PTPRD: variants seen among roughly 807,000 people sequenced by gnomAD.
PTPRD encodes the protein protein tyrosine phosphatase receptor type D, also known as receptor-type tyrosine-protein phosphatase delta.
In PTPRD, 34 loss-of-function variants were observed where a neutral mutation model predicts 214.5. The observed-to-expected ratio is 0.16, with a 90% CI of 0.12 to 0.21. The LOEUF is 0.21. Among genes scored for constraint, PTPRD ranks in the 10% least tolerant of loss-of-function variants. The pLI is 1.00. For synonymous variants in PTPRD, 1,128 were observed against 845.7 expected (o/e 1.33, Z -5.79); for missense variants, 2,545 against 2,398.7 (o/e 1.06, Z -1.27).
At chr9:8,432,372 A>T (rs551720235) in intron 35 of PTPRD, among the ~76,000 whole-genome samples, 28 of 152,344 alleles carry the variant, frequency 1.8e-4, no homozygotes, top group African/African-American at 6.3e-4. Flanking sequence ...GTTGGAGTTC[A>T]ACGGCCTTTA....
chr9:9,840,338 T>A (rs1023603621), intron 5 of PTPRD, among the ~76,000 whole-genome samples: 1 of 152,140 alleles, frequency 6.6e-6, no homozygotes, highest in Non-Finnish European at 1.5e-5. Context: ...CTTTTAAATT[T>A]AGTTAAGGAA....
chr9:9,143,107 A>G (rs2154481834), intron 10 of PTPRD, among the ~76,000 whole-genome samples: 1 of 150,956 alleles, frequency 6.6e-6, no homozygotes, highest in African/African-American at 2.4e-5. Flanking sequence ...TGGTCTTTCT[A>G]CTCCTCTCCC....
intron 10 of PTPRD, among the ~76,000 whole-genome samples, chr9:9,042,605 CTTTTTTTTCTTTTCTT>C (rs1242487231): frequency 1.2e-5 from 1 of 81,258 alleles, no homozygotes; most frequent in East Asian, 2.7e-4. Flanking sequence ...AGCATTTTTT[CTTTTTTTTCTTTTCTT>C]TTTTTTTTTT....
chr9:9,390,443 G>C (rs2065408005), intron 9 of PTPRD, among the ~76,000 whole-genome samples: 1 of 152,112 alleles, frequency 6.6e-6, no homozygotes, highest in African/African-American at 2.4e-5. Context: ...TCAGTCAATG[G>C]TAGATTCTGT....
At chr9:9,189,853 C>T (rs150039047) in intron 9 of PTPRD, among the ~76,000 whole-genome samples, 1 of 151,976 alleles carries the variant, frequency 6.6e-6, no homozygotes, top group South Asian at 2.1e-4. Context: ...TTCCATTTCT[C>T]ATCTTTCCAG....
intron 3 of PTPRD, among the ~76,000 whole-genome samples, chr9:10,247,711 T>C (rs577724183): frequency 4.9e-4 from 75 of 152,236 alleles, no homozygotes; most frequent in African/African-American, 1.6e-3. Context: ...TTGCTTTTCA[T>C]TTTGGCTGAC....
intron 2 of PTPRD, among the ~76,000 whole-genome samples, chr9:10,377,036 C>T (rs944912307): frequency 3.3e-5 from 5 of 151,892 alleles, no homozygotes; most frequent in African/African-American, 1.2e-4. Context: ...TAACCATCCC[C>T]CCCTTCCACC....
chr9:9,831,538 C>T (rs1343610516), intron 5 of PTPRD, among the ~76,000 whole-genome samples: 6 of 151,838 alleles, frequency 4.0e-5, no homozygotes, highest in African/African-American at 1.2e-4. Context: ...GGTTGCTCAT[C>T]GTAAGATTGA....
chr9:9,844,442 T>C (rs996491059), intron 5 of PTPRD, among the ~76,000 whole-genome samples: 6 of 151,804 alleles, frequency 4.0e-5, no homozygotes, highest in Non-Finnish European at 8.8e-5. Context: ...CGGGCTGAGG[T>C]GTGGGGTAAA....
rs888578353 is a variant in PTPRD, at chr9:9,272,858, A to G, written c.-202-89495T>C. ...ATTCTGTGGTGATGCAGTGAGCTCAAAGAAGTGCCCTGAAATATTTAATAT... is the reference window on the plus strand; with the variant it reads ...ATTCTGTGGTGATGCAGTGAGCTCAGAGAAGTGCCCTGAAATATTTAATAT... On this transcript the variant is annotated intron_variant, in intron 9 of 45. Transcript: ENST00000381196. Among the ~76,000 whole-genome samples, 15 of 151,400 alleles carry G rather than the reference A, an allele frequency of 9.9e-5. No individual in the cohort carries two copies. The Middle Eastern group carries it at 0.014, about 137-fold the overall frequency.
chr9:9,646,734 C>T (rs751080837), intron 7 of PTPRD, among the ~76,000 whole-genome samples: 5 of 152,052 alleles, frequency 3.3e-5, no homozygotes, highest in East Asian at 1.9e-4. Context: ...CTGAACCCTA[C>T]GTACACTGTG....
intron 3 of PTPRD, among the ~76,000 whole-genome samples, chr9:10,126,001 C>T (rs1188946593): frequency 6.6e-6 from 1 of 151,924 alleles, no homozygotes; most frequent in Admixed American, 6.6e-5. Flanking sequence ...TAATTTTAAA[C>T]CTATAAAACA....
At chr9:10,351,277 G>C (rs970964622) in intron 2 of PTPRD, among the ~76,000 whole-genome samples, 1 of 152,004 alleles carries the variant, frequency 6.6e-6, no homozygotes, top group Non-Finnish European at 1.5e-5. Context: ...TGGATAATGA[G>C]TTGACTAAGT....
intron 5 of PTPRD, among the ~76,000 whole-genome samples, chr9:9,886,381 A>G (rs1408103849): frequency 6.6e-6 from 1 of 152,134 alleles, no homozygotes; most frequent in Admixed American, 6.6e-5. Context: ...CTTTCTTCAC[A>G]TGTGGACATA....
intron 19 of PTPRD, among the ~76,000 whole-genome samples, chr9:8,522,861 A>G (rs2097918433): frequency 6.6e-6 from 1 of 152,210 alleles, no homozygotes; most frequent in Non-Finnish European, 1.5e-5. Context: ...AATTATAAAT[A>G]AACTGATAAG....
At chr9:9,525,855 CAACTT>C (rs1164742228) in intron 8 of PTPRD, among the ~76,000 whole-genome samples, 5 of 151,262 alleles carry the variant, frequency 3.3e-5, no homozygotes, top group African/African-American at 1.2e-4. Context: ...GTGTCAAACA[CAACTT>C]GACTGCTTTA....
At chr9:8,636,632 A>G (rs2154327596) in intron 13 of PTPRD, 67 bp downstream of exon 13, 2 of 1,562,554 alleles carry the variant, frequency 1.3e-6, no homozygotes, top group East Asian at 2.3e-5. Context: ...GCAAGCAAGT[A>G]ACGTAGAAAC....
rs72696875 is a variant in PTPRD at position 9,266,312 on chromosome 9, G to C, written c.-202-82949C>G. The stretch of plus-strand genomic sequence containing the variant: ...ATGACAGCAATAGAATAATAGTAGG[G>C]GACTTTGACACCCCATTTTGAGCAA... On this transcript the variant is annotated intron_variant, in intron 9 of 45. Coordinates refer to ENST00000381196, the MANE Select transcript of PTPRD (RefSeq NM_002839.4). Among the ~76,000 whole-genome samples, 252 of 150,814 alleles carry C rather than the reference G, an allele frequency of 1.7e-3. 2 individuals carry two copies. Among genetic ancestry groups the C allele is most frequent in the Non-Finnish European group, 2.2e-3 (148 of 67,374 alleles).
chr9:10,514,949 A>G (rs369316438), intron 2 of PTPRD, among the ~76,000 whole-genome samples: 2 of 152,084 alleles, frequency 1.3e-5, no homozygotes, highest in East Asian at 3.8e-4. Context: ...ATTAATTCAT[A>G]TAAAATTGTT....
Sources: allele counts gnomAD v4.1 joint callset (sites outside exome capture counted in the v4.1 genomes callset), GRCh38; gene constraint gnomAD v4.1.1; transcripts MANE v1.5; gene names NCBI Gene and HGNC (gene_info 2026-07-23, HGNC 2026-07-21).